The following CADM2 variants were observed in gnomAD, a reference collection of about 807,000 sequenced individuals.
The protein encoded by CADM2 is cell adhesion molecule 2, also known as immunoglobulin superfamily member 4D.
Under a neutral mutation model 49.8 loss-of-function variants are expected in CADM2, and 12 were observed. The ratio of observed to expected loss-of-function variants is 0.24; its 90% CI spans 0.15 to 0.39. The LOEUF (loss-of-function observed/expected upper bound fraction) is 0.39, where lower values mean the gene tolerates loss of function less well. Among genes scored for constraint, CADM2 ranks in the 10% least tolerant of loss-of-function variants. The probability of loss-of-function intolerance (pLI) is 1.00; values close to 1 mark genes in which losing one functional copy is unlikely to be tolerated. For missense variants in CADM2, 378 were observed against 492.3 expected (o/e 0.77, Z 2.20); for synonymous variants, 214 against 175.4 (o/e 1.22, Z -1.74).
intron 3 of CADM2, among the ~76,000 whole-genome samples, chr3:85,866,397 T>A (rs1320991239): frequency 6.6e-6 from 1 of 152,190 alleles, no homozygotes; most frequent in Non-Finnish European, 1.5e-5. Flanking sequence ...CTGGCCTAAC[T>A]CCATATTCAA....
chr3:85,645,684 G>A (rs1253612918), intron 1 of CADM2, among the ~76,000 whole-genome samples: 1 of 151,710 alleles, frequency 6.6e-6, no homozygotes, highest in Non-Finnish European at 1.5e-5. Context: ...TTGTTGAAAT[G>A]AACTTTTTTA....
chr3:85,961,287 T>C (rs541650771), intron 7 of CADM2, among the ~76,000 whole-genome samples, 182 bp from the exon 8 acceptor site: 5 of 151,872 alleles, frequency 3.3e-5, no homozygotes, highest in Middle Eastern at 6.8e-3. Context: ...AGAAGCAGAT[T>C]ATATTTGCTA....
Position 85,031,815 on chromosome 3 carries a change from C to T in CADM2, c.61+72147C>T, listed in dbSNP as rs7630362. ...GATTACAGACGTGAGCCACCACGCC[C>T]GGCCCAGATGTTTCTTTTCTAATAT... On this transcript the variant is annotated intron_variant, in intron 1 of 9. Transcript: ENST00000383699. Among the ~76,000 whole-genome samples, 701 of 152,292 alleles carry T rather than the reference C, an allele frequency of 4.6e-3. 4 individuals are homozygous for T. The highest frequency in any genetic ancestry group is 0.016 in the African/African-American group (673 of 41,564).
At chr3:85,548,495 G>A (rs1013313595) in intron 1 of CADM2, among the ~76,000 whole-genome samples, 3 of 151,784 alleles carry the variant, frequency 2.0e-5, no homozygotes, top group African/African-American at 7.3e-5. Flanking sequence ...GGTTTCAAGG[G>A]GAAAAAGAAG....
intron 1 of CADM2, among the ~76,000 whole-genome samples, chr3:85,462,397 A>T (rs1351578840): frequency 6.6e-6 from 1 of 152,198 alleles, no homozygotes; most frequent in African/African-American, 2.4e-5. Context: ...CTTGAGGTAC[A>T]TTATGAAAAA....
chr3:85,913,048 C>A (rs145965961), intron 6 of CADM2, among the ~76,000 whole-genome samples: 3 of 152,166 alleles, frequency 2.0e-5, no homozygotes, highest in African/African-American at 7.2e-5. Flanking sequence ...TCAATAAGAA[C>A]AAAATTAATT....
chr3:85,159,780 T>C (rs1421453831), intron 1 of CADM2, among the ~76,000 whole-genome samples: 1 of 152,270 alleles, frequency 6.6e-6, no homozygotes, highest in East Asian at 1.9e-4. Flanking sequence ...TCATCAACTG[T>C]TTCATGTTGT....
At chr3:85,465,633 C>A (rs934577082) in intron 1 of CADM2, among the ~76,000 whole-genome samples, 1 of 152,000 alleles carries the variant, frequency 6.6e-6, no homozygotes, top group African/African-American at 2.4e-5. Flanking sequence ...TAAATTTTAT[C>A]TTTGTCCAAA....
chr3:85,120,902 T>G (rs1434994270), intron 1 of CADM2, among the ~76,000 whole-genome samples: 1 of 152,172 alleles, frequency 6.6e-6, no homozygotes, highest in Non-Finnish European at 1.5e-5. Flanking sequence ...CGACAAATCT[T>G]CATTGTAATA....
chr3:85,780,790 T>C (rs1209179548), intron 2 of CADM2, among the ~76,000 whole-genome samples: 1 of 152,182 alleles, frequency 6.6e-6, no homozygotes, highest in African/African-American at 2.4e-5. Flanking sequence ...CCTTCTCCAA[T>C]AGCTGCTATT....
intron 1 of CADM2, among the ~76,000 whole-genome samples, chr3:85,432,694 T>A (rs2036737459): frequency 1.3e-5 from 2 of 152,184 alleles, no homozygotes; most frequent in Non-Finnish European, 2.9e-5. Flanking sequence ...GTTCAGGTGC[T>A]TTTGAAATGT....
At chr3:85,505,000 G>A (rs1245088036) in intron 1 of CADM2, among the ~76,000 whole-genome samples, 1 of 152,092 alleles carries the variant, frequency 6.6e-6, no homozygotes, top group African/African-American at 2.4e-5. Flanking sequence ...ACGCCCACCC[G>A]GAACTCCAGC....
At chr3:85,560,262 C>T (rs77852438) in intron 1 of CADM2, among the ~76,000 whole-genome samples, 77,766 of 151,844 alleles carry the variant, frequency 0.51, 22,966 homozygotes, top group East Asian at 0.85. Context: ...AGCAGGTGCA[C>T]CAGCTTGATG....
At chr3:85,481,912 C>T (rs1468578582) in intron 1 of CADM2, among the ~76,000 whole-genome samples, 2 of 150,756 alleles carry the variant, frequency 1.3e-5, no homozygotes, top group Non-Finnish European at 3.0e-5. Context: ...GAAAGTTGTA[C>T]TTCAAAAGAT....
At chr3:85,532,100 C>G (rs2061326707) in intron 1 of CADM2, among the ~76,000 whole-genome samples, 1 of 152,128 alleles carries the variant, frequency 6.6e-6, no homozygotes, top group African/African-American at 2.4e-5. Context: ...TGGCGTGAAC[C>G]CAGGAGGCGG....
chr3:85,037,664 G>A (rs190273674), intron 1 of CADM2, among the ~76,000 whole-genome samples: 1 of 152,150 alleles, frequency 6.6e-6, no homozygotes, highest in Non-Finnish European at 1.5e-5. Context: ...ACTAAGAAGG[G>A]CTTTTCTTTA....
intron 1 of CADM2, among the ~76,000 whole-genome samples, chr3:85,147,403 A>G (rs2039783145): frequency 6.6e-6 from 1 of 150,906 alleles, no homozygotes. Context: ...AAAGTGAGGT[A>G]TTTTTTGAGA....
At chr3:85,158,879 A>T (rs1265883234) in intron 1 of CADM2, among the ~76,000 whole-genome samples, 1 of 151,198 alleles carries the variant, frequency 6.6e-6, no homozygotes, top group African/African-American at 2.5e-5. Flanking sequence ...TAAAAATTTA[A>T]AAAAAATTAA....
At chr3:85,612,869 A>G (rs564919614) in intron 1 of CADM2, among the ~76,000 whole-genome samples, 9 of 151,926 alleles carry the variant, frequency 5.9e-5, no homozygotes, top group East Asian at 1.9e-4. Flanking sequence ...TGTATTTACC[A>G]TAAAATAACT....
Sources: gnomAD v4.1 joint callset for allele counts (sites outside exome capture counted in the v4.1 genomes callset) on GRCh38, gnomAD v4.1.1 for gene constraint, MANE v1.5 for transcripts, NCBI Gene and HGNC (gene_info 2026-07-23, HGNC 2026-07-21) for gene names.